MINDY3: variants seen among roughly 807,000 people sequenced by gnomAD.
MINDY3 encodes the protein ubiquitin carboxyl-terminal hydrolase MINDY-3.
Under a neutral mutation model 69.2 loss-of-function variants are expected in MINDY3, and 38 were observed. That is an observed-to-expected ratio of 0.55 (90% CI 0.42 to 0.72). The LOEUF (loss-of-function observed/expected upper bound fraction) is 0.72, where lower values mean the gene tolerates loss of function less well. Ranked by LOEUF, MINDY3 falls within the 30% of genes least tolerant of loss-of-function variation. The pLI, the probability that MINDY3 is intolerant of heterozygous loss-of-function variation, is 0.00. For synonymous variants in MINDY3, 192 were observed against 180.1 expected, an observed-to-expected ratio of 1.07 and a Z score of -0.53; for missense variants, 522 against 519.0, an observed-to-expected ratio of 1.01 and a Z score of -0.06.
chr10:15,851,038 G>A (rs549376462), intron 1 of MINDY3, among the ~76,000 whole-genome samples: 1 of 152,250 alleles, frequency 6.6e-6, no homozygotes, highest in African/African-American at 2.4e-5. Flanking sequence ...ATCAGTACAG[G>A]CTAGTTCCCA....
intron 8 of MINDY3, among the ~76,000 whole-genome samples, chr10:15,823,011 T>C (rs1224758515): frequency 1.3e-5 from 2 of 152,170 alleles, no homozygotes; most frequent in Admixed American, 6.5e-5. Flanking sequence ...TCTGGTCATG[T>C]TTTGTCCATT....
chr10:15,851,595 G>T (rs542509066), intron 1 of MINDY3, among the ~76,000 whole-genome samples: 13 of 152,034 alleles, frequency 8.6e-5, no homozygotes, highest in African/African-American at 3.1e-4. Flanking sequence ...GCTTCAAAAC[G>T]TATCTTTAAC....
intron 10 of MINDY3, among the ~76,000 whole-genome samples, chr10:15,811,156 G>C (rs1224840893): frequency 6.6e-6 from 1 of 151,924 alleles, no homozygotes; most frequent in Non-Finnish European, 1.5e-5. Flanking sequence ...AATAAGGGTA[G>C]AGAAGAAAAG....
chr10:15,815,009 T>C (rs781071261), intron 10 of MINDY3, among the ~76,000 whole-genome samples: 19 of 152,216 alleles, frequency 1.2e-4, no homozygotes, highest in Non-Finnish European at 2.4e-4. Flanking sequence ...TTTAAAATAT[T>C]GTCATCTTTT....
At chr10:15,845,573 C>T (rs1833773142) in intron 2 of MINDY3, among the ~76,000 whole-genome samples, 2 of 152,022 alleles carry the variant, frequency 1.3e-5, no homozygotes, top group Non-Finnish European at 2.9e-5. Context: ...GATCATAGCT[C>T]ACTGCAGCCC....
chr10:15,784,111 G>A (rs575907289), intron 13 of MINDY3, among the ~76,000 whole-genome samples: 57 of 152,208 alleles, frequency 3.7e-4, no homozygotes, highest in African/African-American at 1.3e-3. Context: ...CCTAGTGTAT[G>A]ACCTTCAACA....
chr10:15,816,926 T>C lies in MINDY3; in HGVS notation c.802-11A>G, dbSNP rs772259645. On this transcript the variant is annotated splice_polypyrimidine_tract_variant and intron_variant, in intron 9 of 14. Transcript: ENST00000277632. ...CAAGTAAGAACCAACCTAGAACAAA[T>C]GTAGCAAAATAAAACAAATAAACAA... 2 of 1,593,200 alleles carry C rather than the reference T, an allele frequency of 1.3e-6. No homozygotes were observed. Among genetic ancestry groups the C allele is most frequent in the Non-Finnish European group, 1.7e-6 (2 of 1,165,536 alleles).
At chr10:15,832,127 C>T (rs975110436) in intron 8 of MINDY3, among the ~76,000 whole-genome samples, 5 of 151,988 alleles carry the variant, frequency 3.3e-5, no homozygotes, top group East Asian at 3.9e-4. Flanking sequence ...ATCGAGAATC[C>T]GGAGAACGCG....
chr10:15,845,963 C>G (rs1833813502), intron 2 of MINDY3, among the ~76,000 whole-genome samples: 1 of 151,616 alleles, frequency 6.6e-6, no homozygotes, highest in Admixed American at 6.6e-5. Context: ...GCTGGGATTA[C>G]AGGCGCCTGC....
intron 8 of MINDY3, among the ~76,000 whole-genome samples, chr10:15,824,756 T>C (rs911484335): frequency 2.6e-5 from 4 of 152,210 alleles, no homozygotes; most frequent in African/African-American, 4.8e-5. Context: ...TTCCCTGGAC[T>C]TTTAAACAAA....
At chr10:15,799,554 A>C (rs932460618) in intron 10 of MINDY3, among the ~76,000 whole-genome samples, 2 of 152,124 alleles carry the variant, frequency 1.3e-5, no homozygotes, top group Non-Finnish European at 1.5e-5. Flanking sequence ...AAGACATCTT[A>C]ATCACTTTTA....
At chr10:15,783,278 C>G (rs1394683640) in intron 13 of MINDY3, among the ~76,000 whole-genome samples, 1 of 152,184 alleles carries the variant, frequency 6.6e-6, no homozygotes. Flanking sequence ...TTCCCCCTCA[C>G]TTATGCCAAT....
At chr10:15,848,407 G>A (rs1367181629) in intron 1 of MINDY3, among the ~76,000 whole-genome samples, 3 of 151,986 alleles carry the variant, frequency 2.0e-5, no homozygotes, top group Middle Eastern at 3.2e-3. Context: ...GGCAGAGGCG[G>A]GCGGATCACG....
intron 8 of MINDY3, among the ~76,000 whole-genome samples, chr10:15,825,319 C>CA (rs1231415732): frequency 1.3e-5 from 2 of 152,078 alleles, no homozygotes; most frequent in African/African-American, 4.8e-5. Flanking sequence ...TCTACATTTG[C>CA]AAAAAAATTC....
chr10:15,788,946 T>C (rs538884912), intron 12 of MINDY3: 1 of 224,356 alleles, frequency 4.5e-6, no homozygotes, highest in Non-Finnish European at 9.0e-6. Flanking sequence ...TAATGTCACA[T>C]AAAATTTTAA....
intron 1 of MINDY3, among the ~76,000 whole-genome samples, chr10:15,849,934 A>T (rs928181425): frequency 1.3e-5 from 2 of 152,142 alleles, no homozygotes; most frequent in Non-Finnish European, 2.9e-5. Context: ...ACCCTCACTA[A>T]TCTGGTTTTC....
intron 8 of MINDY3, among the ~76,000 whole-genome samples, chr10:15,830,493 T>C (rs1840382503): frequency 6.6e-6 from 1 of 152,226 alleles, no homozygotes; most frequent in African/African-American, 2.4e-5. Context: ...ACAGCTAACA[T>C]ACTTAATGAT....
At chr10:15,822,865 C>T (rs145394651) in intron 8 of MINDY3, among the ~76,000 whole-genome samples, 24 of 152,174 alleles carry the variant, frequency 1.6e-4, no homozygotes, top group Middle Eastern at 3.4e-3. Context: ...TTTTCATAAA[C>T]GATACCCTTC....
chr10:15,783,752 A>T (rs1017638400), intron 13 of MINDY3, among the ~76,000 whole-genome samples: 2 of 152,210 alleles, frequency 1.3e-5, no homozygotes, highest in African/African-American at 4.8e-5. Flanking sequence ...GAAAATAGAA[A>T]AATCAATTTG....
Sources: gnomAD v4.1 joint callset for allele counts (sites outside exome capture counted in the v4.1 genomes callset) on GRCh38, gnomAD v4.1.1 for gene constraint, MANE v1.5 for transcripts, NCBI Gene and HGNC (gene_info 2026-07-23, HGNC 2026-07-21) for gene names.